BTD: variants seen among roughly 807,000 people sequenced by gnomAD.
BTD encodes biocytinase.
Under a neutral mutation model 17.7 loss-of-function variants are expected in BTD, and 13 were observed. The ratio of observed to expected loss-of-function variants is 0.74; its 90% CI spans 0.48 to 1.17. BTD has a LOEUF of 1.17. Among genes scored for constraint, BTD ranks in the 50% most tolerant of loss-of-function variants. The pLI is 0.00. For missense variants in BTD, 674 were observed against 650.4 expected (o/e 1.04, Z -0.39); for synonymous variants, 240 against 245.2 (o/e 0.98, Z 0.20).
At chr3:15,610,811 G>T (rs1443269248) in intron 1 of BTD, among the ~76,000 whole-genome samples, 1 of 152,098 alleles carries the variant, frequency 6.6e-6, no homozygotes, top group Admixed American at 6.5e-5. Flanking sequence ...AAAAGATAGG[G>T]TATTTTTTAA....
At chr3:15,654,354 A>T (rs2065849634), downstream of BTD, among the ~76,000 whole-genome samples, 1 of 152,082 alleles carries the variant, frequency 6.6e-6, no homozygotes, top group Non-Finnish European at 1.5e-5. Flanking sequence ...CAGGGGAATA[A>T]CATGGTCATT....
chr3:15,634,477 T>G (rs1315163791), intron 1 of BTD, among the ~76,000 whole-genome samples: 1 of 152,210 alleles, frequency 6.6e-6, no homozygotes, highest in Non-Finnish European at 1.5e-5. Flanking sequence ...CTATTTACTC[T>G]AAAACAGTAA....
At chr3:15,624,565 T>G (rs896904864) in intron 1 of BTD, among the ~76,000 whole-genome samples, 8 of 152,152 alleles carry the variant, frequency 5.3e-5, no homozygotes, top group African/African-American at 1.7e-4. Flanking sequence ...CTTTTTTTAT[T>G]CTTTCTTAGA....
At chr3:15,656,613 G>A (rs985430610), downstream of BTD, among the ~76,000 whole-genome samples, 8 of 152,282 alleles carry the variant, frequency 5.3e-5, no homozygotes, top group South Asian at 1.5e-3. Context: ...GCGGCACTGA[G>A]CACTTATTCC....
downstream of BTD, among the ~76,000 whole-genome samples, chr3:15,658,319 A>G (rs1034364368): frequency 6.6e-6 from 1 of 152,210 alleles, no homozygotes; most frequent in East Asian, 1.9e-4. Context: ...TGCGTGGAAC[A>G]TGTGTTTCAG....
intron 1 of BTD, among the ~76,000 whole-genome samples, chr3:15,611,022 A>T (rs1682557149): frequency 6.6e-6 from 1 of 151,644 alleles, no homozygotes; most frequent in Admixed American, 6.6e-5. Context: ...ACAATGCATA[A>T]TTTTTTTTAG....
chr3:15,666,567 T>G (rs2065996578), intron 3 of BTD, among the ~76,000 whole-genome samples: 1 of 152,240 alleles, frequency 6.6e-6, no homozygotes, highest in East Asian at 1.9e-4. Context: ...TAAAGACCAC[T>G]TTGAGAAAGG....
Position 15,670,463 on chromosome 3 carries a change from C to G in BTD, c.399+28406C>G. The G allele has an allele frequency of 6.2e-7, 1 of 1,613,812 alleles. No individual in the cohort carries two copies. Among genetic ancestry groups the G allele is most frequent in the East Asian group, 2.2e-5 (1 of 44,890 alleles). Reference sequence around the variant, plus strand: ...ATTGAATGTTAAGGATGATAAAGGACTACTTGATGAGACAGGCATCATGGT... The same window carrying G: ...ATTGAATGTTAAGGATGATAAAGGAGTACTTGATGAGACAGGCATCATGGT... On this transcript the variant is annotated intron_variant, in intron 3 of 3. Coordinates refer to the BTD transcript ENST00000672141.
At chr3:15,682,601 G>C (rs115212153) in intron 3 of BTD, among the ~76,000 whole-genome samples, 285 of 152,288 alleles carry the variant, frequency 1.9e-3, no homozygotes, top group African/African-American at 6.4e-3. Context: ...AACTGAAATT[G>C]TGAACTTTTA....
In BTD at chr3:15,645,444, C is replaced by T; in HGVS notation, c.1528C>T (p.Leu510=). Residue 510 remains leucine, a synonymous_variant, in exon 4 of 4, where the codon CTG becomes TTG. Transcript: ENST00000643237. ...GAGGAAAAGTAGGCTGTCCTCTGGGCTGGTGACGGCGGCTCTCTATGGGCG... is the reference window on the plus strand; with the variant it reads ...GAGGAAAAGTAGGCTGTCCTCTGGGTTGGTGACGGCGGCTCTCTATGGGCG... The part of the protein sequence containing the change: ...FLRKSRLSSG[L]VTAALYGRLY... 6.2e-7 allele frequency: 1 copy of T among 1,612,540 alleles called. No homozygotes were observed. The highest frequency in any genetic ancestry group is 8.5e-7 in the Non-Finnish European group (1 of 1,180,016).
rs2065777224 is a variant in BTD, at chr3:15,650,086, A to G, written c.*4598A>G. ...TAAGACCAGAGCCAGTGTCCTATTC[A>G]TCTTTTGTCTCTGCAGCGTTCAGCA... On this transcript the variant is annotated 3_prime_UTR_variant, in exon 4 of 4. Transcript: ENST00000643237. Among the ~76,000 whole-genome samples the G allele has an allele frequency of 6.6e-6, 1 of 152,230 alleles. No homozygotes were observed. Among genetic ancestry groups the G allele is most frequent in the South Asian group, 2.1e-4 (1 of 4,826 alleles).
rs141783195 is a variant in BTD at position 15,627,034 on chromosome 3, A to T, written c.-16-8390A>T. Among the ~76,000 whole-genome samples the T allele has an allele frequency of 5.4e-3, 828 of 152,290 alleles. 5 individuals carry two copies. Among genetic ancestry groups the T allele is most frequent in the African/African-American group, 0.018 (751 of 41,546 alleles). On this transcript the variant is annotated intron_variant, in intron 1 of 3. Transcript: ENST00000643237. Reference sequence around the variant, plus strand: ...AAGAAAGGCAAAGATAGAGATACTAATCATTTCTCTACACATCTGCCATGC... The same window carrying T: ...AAGAAAGGCAAAGATAGAGATACTATTCATTTCTCTACACATCTGCCATGC...
intron 3 of BTD, chr3:15,676,129 A>C: frequency 1.8e-6 from 1 of 551,746 alleles, no homozygotes; most frequent in African/African-American, 1.9e-5. Flanking sequence ...CCTAATAACA[A>C]AGATGGGGGC....
At chr3:15,613,711 G>A (rs1011668206) in intron 1 of BTD, among the ~76,000 whole-genome samples, 18 of 151,860 alleles carry the variant, frequency 1.2e-4, no homozygotes, top group African/African-American at 3.6e-4. Context: ...CTTTGTTTTC[G>A]TATAGTATCT....
rs145106493 is a variant in BTD, at chr3:15,686,293, T to C, written c.400-23767T>C. 5.1e-4 allele frequency: 811 copies of C among 1,583,154 alleles called. 2 individuals are homozygous for C. In the African/African-American group the frequency reaches 9.7e-3, roughly 19 times the overall value. ...TTCCTATTAATAGCCGTAAGCATTC[T>C]GAATGACCATTTGTTGCTGTAAAGT... is the stretch of plus-strand genomic sequence containing the variant. On this transcript the variant is annotated intron_variant, in intron 3 of 3. Coordinates refer to the BTD transcript ENST00000672141.
rs990595510 is a variant in BTD at position 15,653,055 on chromosome 3, C to G, written c.*7567C>G. Among the ~76,000 whole-genome samples the G allele has an allele frequency of 2.0e-5, 3 of 152,218 alleles. No homozygotes were observed. The highest frequency in any genetic ancestry group is 2.9e-5 in the Non-Finnish European group (2 of 68,032). On this transcript the variant is annotated 3_prime_UTR_variant, in exon 4 of 4. Transcript: ENST00000643237. The stretch of plus-strand genomic sequence containing the variant: ...CCCGCAGAATTTTGTCTAATCCACC[C>G]CAGACAGAGTTATCCAACAGCCTGG...
Position 15,652,716 on chromosome 3 carries a change from A to G in BTD, c.*7228A>G, listed in dbSNP as rs188415946. Among the ~76,000 whole-genome samples, 5 of 152,272 alleles carry G rather than the reference A, an allele frequency of 3.3e-5. No individual in the cohort carries two copies. In the East Asian group the frequency reaches 9.6e-4, roughly 29 times the overall value. On this transcript the variant is annotated 3_prime_UTR_variant, in exon 4 of 4. Transcript: ENST00000643237. ...CAATAGTCTTGCTACCAGCACCTTA[A>G]TCTCCCACATCCAAGTTAAAATTCA...
intron 1 of BTD, among the ~76,000 whole-genome samples, chr3:15,617,147 T>A (rs1462756055): frequency 1.3e-5 from 2 of 152,254 alleles, no homozygotes; most frequent in Admixed American, 6.5e-5. Context: ...GCCTATTTTT[T>A]AATCAAGTTG....
intron 3 of BTD, chr3:15,689,990 A>G: frequency 1.3e-6 from 2 of 1,552,264 alleles, no homozygotes; most frequent in Admixed American, 3.8e-5. Flanking sequence ...TAGAAGTTAT[A>G]AATAAATCAA....
Sources: gnomAD v4.1 joint callset for allele counts (sites outside exome capture counted in the v4.1 genomes callset) on GRCh38, gnomAD v4.1.1 for gene constraint, MANE v1.5 for transcripts, NCBI Gene and HGNC (gene_info 2026-07-23, HGNC 2026-07-21) for gene names.